The following RPS11 variants were observed in gnomAD, a reference collection of about 807,000 sequenced individuals.
RPS11 encodes ribosomal protein S11.
For missense variants in RPS11, 127 were observed against 211.4 expected (o/e 0.60, Z 2.48); for synonymous variants, 107 against 78.0 (o/e 1.37, Z -1.96).
intron 1 of RPS11, 175 bp downstream of exon 1, chr19:49,496,646 C>T (rs572561387): frequency 1.6e-5 from 11 of 674,628 alleles, no homozygotes; most frequent in African/African-American, 1.3e-4. Flanking sequence ...ATGAGTGCTT[C>T]CTAATTCCTG....
chr19:49,497,487 A>G (rs1183635012), intron 2 of RPS11, 33 bp from the exon 3 acceptor site: 1 of 1,609,816 alleles, frequency 6.2e-7, no homozygotes, highest in Non-Finnish European at 8.5e-7. Flanking sequence ...CGCCCGCCCA[A>G]GGCTCACTCC....
intron 1 of RPS11, among the ~76,000 whole-genome samples, chr19:49,496,955 A>G (rs1451029471): frequency 6.6e-6 from 1 of 152,070 alleles, no homozygotes; most frequent in African/African-American, 2.4e-5. Context: ...AATCCCTGAG[A>G]GGCCTTCTGG....
intron 4 of RPS11, among the ~76,000 whole-genome samples, chr19:49,499,229 G>T (rs1441774252): frequency 1.3e-5 from 2 of 152,176 alleles, no homozygotes; most frequent in African/African-American, 4.8e-5. Flanking sequence ...GGGTGGTGAG[G>T]CTGCTGACAA....
intron 1 of RPS11, among the ~76,000 whole-genome samples, chr19:49,496,967 G>A (rs2079909429): frequency 1.3e-5 from 2 of 152,120 alleles, no homozygotes; most frequent in Admixed American, 1.3e-4. Context: ...GCCTTCTGGA[G>A]TATATAAATT....
intron 3 of RPS11, 104 bp from the exon 4 acceptor site, chr19:49,497,813 T>C: frequency 6.6e-7 from 1 of 1,526,566 alleles, no homozygotes; most frequent in Non-Finnish European, 9.1e-7. Flanking sequence ...GAAATGGGGC[T>C]TTTTGGGATC....
chr19:49,496,501 C>T (rs1167479475), intron 1 of RPS11, 30 bp downstream of exon 1: 4 of 1,602,228 alleles, frequency 2.5e-6, no homozygotes, highest in African/African-American at 2.7e-5. Flanking sequence ...TGCCAGGGTG[C>T]GGGGTCCGCC....
At chr19:49,498,121 G>GGCCA in intron 4 of RPS11, 75 bp downstream of exon 4, 1 of 1,528,614 alleles carries the variant, frequency 6.5e-7, no homozygotes, top group Non-Finnish European at 9.0e-7. Context: ...ACCAATTTAA[G>GGCCA]GCCAACTGAG....
rs533671562 is a variant in RPS11, at chr19:49,498,829, C to T, written c.354-683C>T. 7.9e-5 allele frequency among the ~76,000 whole-genome samples: 12 copies of T among 152,198 alleles called. No individual in the cohort carries two copies. In the South Asian group the frequency reaches 1.7e-3, roughly 21 times the overall value. On this transcript the variant is annotated intron_variant, in intron 4 of 4. Transcript: ENST00000270625. ...GTGCTGAACCTGTAATAGGCAGGTG[C>T]GTTTGAACCAAAAGGTTAGGATGTC...
At chr19:49,497,026 G>A (rs2079909756) in intron 1 of RPS11, 168 bp from the exon 2 acceptor site, 1 of 666,754 alleles carries the variant, frequency 1.5e-6, no homozygotes, top group Non-Finnish European at 2.6e-6. Context: ...GTAAGGTCAG[G>A]GTGGTCATGT....
intron 4 of RPS11, chr19:49,498,252 C>A: frequency 1.7e-6 from 1 of 589,844 alleles, no homozygotes; most frequent in Non-Finnish European, 3.0e-6. Flanking sequence ...ATGCTTGGAA[C>A]CAGATTTTGG....
intron 3 of RPS11, 73 bp from the exon 4 acceptor site, chr19:49,497,844 T>A (rs1296754287): frequency 6.3e-7 from 1 of 1,595,086 alleles, no homozygotes. Flanking sequence ...TGCTTCTGAG[T>A]CCCAGCATGC....
chr19:49,497,357 C>T lies in RPS11; in HGVS notation c.147+32C>T, dbSNP rs764566727. Reference sequence around the variant, plus strand: ...GGAACCTCAGAAGAAAGAAGGGGAACCTGGCGTTCCTGCACGTGTGCCCAC... The same window carrying T: ...GGAACCTCAGAAGAAAGAAGGGGAATCTGGCGTTCCTGCACGTGTGCCCAC... On this transcript the variant is annotated intron_variant, in intron 2 of 4. Transcript: ENST00000270625. 3.1e-5 allele frequency: 50 copies of T among 1,613,168 alleles called. 1 individual carries two copies. In the Admixed American group the frequency reaches 7.2e-4, roughly 23 times the overall value.
In RPS11 at chr19:49,497,336, C is replaced by A. The variant is rs562561836; in HGVS notation, c.147+11C>A. ...AAGACACCCAAGGAGGTGCGGGGAACCTCAGAAGAAAGAAGGGGAACCTGG... is the reference window on the plus strand; with the variant it reads ...AAGACACCCAAGGAGGTGCGGGGAAACTCAGAAGAAAGAAGGGGAACCTGG... On this transcript the variant is annotated intron_variant, in intron 2 of 4. Transcript: ENST00000270625. 6.2e-7 allele frequency: 1 copy of A among 1,613,934 alleles called. No homozygotes were observed. Among genetic ancestry groups the A allele is most frequent in the Non-Finnish European group, 8.5e-7 (1 of 1,179,904 alleles).
At chr19:49,496,623 C>T (rs4802613) in intron 1 of RPS11, 152 bp downstream of exon 1, 103,880 of 801,512 alleles carry the variant, frequency 0.13, 10,271 homozygotes, top group African/African-American at 0.45. Flanking sequence ...AGGGCGCTTG[C>T]TTTTGTTTCT....
intron 4 of RPS11, among the ~76,000 whole-genome samples, chr19:49,498,996 C>T (rs555349095): frequency 3.2e-4 from 48 of 152,274 alleles, no homozygotes; most frequent in South Asian, 1.0e-3. Flanking sequence ...GTCCTGCTCC[C>T]TCAGAGGGCA....
chr19:49,496,875 G>A (rs1489934833), intron 1 of RPS11, among the ~76,000 whole-genome samples: 1 of 152,066 alleles, frequency 6.6e-6, no homozygotes, highest in Non-Finnish European at 1.5e-5. Context: ...TTGGGTCTTG[G>A]AGAATGATCC....
In RPS11 at chr19:49,499,696, ACTTGGGAT is replaced by A; in HGVS notation, c.*65_*72del. 1.3e-6 allele frequency: 2 copies of A among 1,576,838 alleles called. No individual in the cohort carries two copies. The highest frequency in any genetic ancestry group is 2.3e-4 in the Middle Eastern group (1 of 4,376). On this transcript the variant is annotated 3_prime_UTR_variant, in exon 5 of 5. Transcript: ENST00000270625. ...AGTTATTTTCTCATTCCCAGGCCAGACTTGGGATCTTCCGCGCCTTTACCAGAGCATTG... is the reference window on the plus strand; with the variant it reads ...AGTTATTTTCTCATTCCCAGGCCAGACTTCCGCGCCTTTACCAGAGCATTG...
At chr19:49,498,892 G>A (rs1482201803) in intron 4 of RPS11, among the ~76,000 whole-genome samples, 1 of 152,176 alleles carries the variant, frequency 6.6e-6, no homozygotes, top group Non-Finnish European at 1.5e-5. Flanking sequence ...GGAATTAAAC[G>A]TTTGTTCATT....
At position 49,497,558 on chromosome 19, in the gene RPS11, C is replaced by T. The variant is rs1195643412; in HGVS notation, c.186C>T (p.Phe62=). 32 of 1,613,900 alleles carry T rather than the reference C, an allele frequency of 2.0e-5. No individual in the cohort carries two copies. Among genetic ancestry groups the T allele is most frequent in the Admixed American group, 5.0e-5 (3 of 59,988 alleles). ...CCTACATTGACAAGAAATGCCCCTT[C>T]ACTGGTAATGTGTCCATTCGAGGGC... ...EGTYIDKKCP[F]TGNVSIRGRI... is the part of the protein sequence containing the mutation. Residue 62 remains phenylalanine (F), a synonymous_variant, in exon 3 of 5, where the codon TTC becomes TTT. Transcript: ENST00000270625.
Sources: allele counts gnomAD v4.1 joint callset (sites outside exome capture counted in the v4.1 genomes callset), GRCh38; gene constraint gnomAD v4.1.1; transcripts MANE v1.5; gene names NCBI Gene and HGNC (gene_info 2026-07-23, HGNC 2026-07-21).